TOX: variants seen among roughly 807,000 people sequenced by gnomAD.
The protein encoded by TOX is thymocyte selection associated high mobility group box.
A neutral mutation model predicts 53.7 loss-of-function variants in TOX; 11 were observed. The ratio of observed to expected loss-of-function variants is 0.20; its 90% CI spans 0.13 to 0.34. The LOEUF (loss-of-function observed/expected upper bound fraction) is 0.34, where lower values mean the gene tolerates loss of function less well. Ranked by LOEUF, TOX falls within the 10% of genes least tolerant of loss-of-function variation. The pLI is 1.00. For synonymous variants in TOX, 225 were observed against 245.3 expected (o/e 0.92, Z 0.77); for missense variants, 570 against 664.6 (o/e 0.86, Z 1.56).
chr8:58,892,306 AAG>A (rs901154509), intron 3 of TOX, among the ~76,000 whole-genome samples: 15 of 151,190 alleles, frequency 9.9e-5, no homozygotes, highest in East Asian at 5.8e-4. Flanking sequence ...GAGAGAAAGA[AAG>A]AGAGAGAGAG....
At chr8:59,044,246 A>AAAAAAAG (rs1554541662) in intron 1 of TOX, among the ~76,000 whole-genome samples, 5 of 149,922 alleles carry the variant, frequency 3.3e-5, no homozygotes, top group East Asian at 2.0e-4. Context: ...AAAAAAAAAA[A>AAAAAAAG]GGTGGACGAC....
At chr8:58,979,935 C>A (rs565802586) in intron 1 of TOX, among the ~76,000 whole-genome samples, 2 of 152,276 alleles carry the variant, frequency 1.3e-5, no homozygotes, top group South Asian at 4.1e-4. Context: ...AAGCACTCAA[C>A]AAATGCAACT....
intron 1 of TOX, among the ~76,000 whole-genome samples, chr8:59,086,123 C>A (rs1389544404): frequency 6.6e-6 from 1 of 151,582 alleles, no homozygotes; most frequent in African/African-American, 2.4e-5. Context: ...GTAGCTGGGA[C>A]TACGGGTGTG....
chr8:58,839,101 G>A (rs1810600017), intron 4 of TOX, among the ~76,000 whole-genome samples: 1 of 152,280 alleles, frequency 6.6e-6, no homozygotes, highest in Admixed American at 6.5e-5. Context: ...ACGGAATGCT[G>A]CCAGGAAAAC....
chr8:58,941,736 T>A (rs116114134), intron 2 of TOX, among the ~76,000 whole-genome samples: 1,749 of 152,206 alleles, frequency 0.011, 22 homozygotes, highest in African/African-American at 0.039. Flanking sequence ...ATCTATCTTT[T>A]AAGAAGTTAA....
chr8:58,868,094 A>G (rs1463064090), intron 3 of TOX, among the ~76,000 whole-genome samples: 1 of 152,108 alleles, frequency 6.6e-6, no homozygotes, highest in Non-Finnish European at 1.5e-5. Context: ...TGTTCTTGTG[A>G]TAGTGAATAA....
intron 3 of TOX, among the ~76,000 whole-genome samples, chr8:58,890,443 A>G (rs1044110391): frequency 9.9e-5 from 15 of 152,212 alleles, no homozygotes; most frequent in African/African-American, 3.6e-4. Flanking sequence ...AATTAATTTC[A>G]GATGGGCAGG....
chr8:59,080,472 T>C (rs114308100), intron 1 of TOX, among the ~76,000 whole-genome samples: 6,846 of 152,254 alleles, frequency 0.045, 204 homozygotes, highest in Middle Eastern at 0.15. Context: ...GTTAAGACTT[T>C]TGGGGACGGT....
chr8:58,876,799 C>T (rs1289852473), intron 3 of TOX, among the ~76,000 whole-genome samples: 1 of 152,142 alleles, frequency 6.6e-6, no homozygotes, highest in South Asian at 2.1e-4. Context: ...CTATTACATG[C>T]CAAGCACTCT....
At chr8:58,841,674 A>G (rs1282582320) in intron 4 of TOX, among the ~76,000 whole-genome samples, 1 of 152,126 alleles carries the variant, frequency 6.6e-6, no homozygotes, top group Non-Finnish European at 1.5e-5. Context: ...TTTTAAAAAA[A>G]GTGACTAGGT....
At chr8:59,008,702 T>C (rs928247106) in intron 1 of TOX, among the ~76,000 whole-genome samples, 1 of 152,216 alleles carries the variant, frequency 6.6e-6, no homozygotes, top group African/African-American at 2.4e-5. Context: ...AGTCTCAATG[T>C]TGCGGCCTCC....
rs772182547 is a variant in TOX at position 59,117,543 on chromosome 8, G to C, written c.102+1343C>G. On this transcript the variant is annotated intron_variant, in intron 1 of 8. Coordinates refer to ENST00000361421, the MANE Select transcript of TOX (RefSeq NM_014729.3). This position sits in a 1 kb window ranked among gnomAD's most constrained non-coding sequence, Gnocchi z 4.6. The stretch of plus-strand genomic sequence containing the variant: ...TCTCCACGGGGAAGTGTGTGTGTGA[G>C]AGCCTGCCTGTGTGTCAACACTGTC... 1.3e-5 allele frequency among the ~76,000 whole-genome samples: 2 copies of C among 152,254 alleles called. No individual in the cohort carries two copies. The highest frequency in any genetic ancestry group is 2.9e-5 in the Non-Finnish European group (2 of 68,042).
intron 1 of TOX, among the ~76,000 whole-genome samples, chr8:59,059,654 T>C (rs1803944126): frequency 6.6e-6 from 1 of 152,194 alleles, no homozygotes; most frequent in Non-Finnish European, 1.5e-5. Flanking sequence ...ATTACATTAT[T>C]TGTCAAGGAA....
intron 3 of TOX, among the ~76,000 whole-genome samples, chr8:58,871,326 A>G (rs1052114701): frequency 2.0e-5 from 3 of 152,176 alleles, no homozygotes; most frequent in Non-Finnish European, 2.9e-5. Context: ...ATACTGTAAT[A>G]GTGCATATAG....
At chr8:58,923,452 C>T (rs147779527) in intron 3 of TOX, among the ~76,000 whole-genome samples, 2 of 152,126 alleles carry the variant, frequency 1.3e-5, no homozygotes, top group Non-Finnish European at 2.9e-5. Context: ...CTGGGAGGGA[C>T]AATGGTTCCT....
chr8:58,930,711 T>C (rs907789777), intron 3 of TOX, among the ~76,000 whole-genome samples: 9 of 152,176 alleles, frequency 5.9e-5, no homozygotes, highest in African/African-American at 9.7e-5. Flanking sequence ...ATCCTCCAGG[T>C]ATATAACTGC....
intron 1 of TOX, among the ~76,000 whole-genome samples, chr8:59,024,667 T>A (rs1814202698): frequency 6.6e-6 from 1 of 152,106 alleles, no homozygotes; most frequent in Admixed American, 6.5e-5. Flanking sequence ...GTGTATAGGA[T>A]GTGAGTTTCA....
intron 1 of TOX, among the ~76,000 whole-genome samples, chr8:59,059,244 C>G (rs975652779): frequency 6.6e-6 from 1 of 152,126 alleles, no homozygotes; most frequent in Non-Finnish European, 1.5e-5. Flanking sequence ...ATTCCCCTTC[C>G]TTCACATCAC....
chr8:59,022,420 T>A (rs890624197), intron 1 of TOX, among the ~76,000 whole-genome samples: 7 of 152,154 alleles, frequency 4.6e-5, no homozygotes, highest in Admixed American at 2.6e-4. Context: ...AACACCGGCT[T>A]TCTAGACCCC....
Sources: allele counts gnomAD v4.1 joint callset (sites outside exome capture counted in the v4.1 genomes callset), GRCh38; gene constraint gnomAD v4.1.1; non-coding constraint Gnocchi (gnomAD v3.1); transcripts MANE v1.5; gene names NCBI Gene and HGNC (gene_info 2026-07-23, HGNC 2026-07-21).